Variants in ACSS3 observed in about 807,000 individuals in gnomAD.
The protein encoded by ACSS3 is acyl-CoA synthetase short chain family member 3, also known as acyl-CoA synthetase short-chain family member 3, mitochondrial.
ACSS3 carries 64 observed loss-of-function variants against 84.2 expected under a neutral mutation model. That is an observed-to-expected ratio of 0.76 (90% CI 0.62 to 0.94). ACSS3 has a LOEUF of 0.94. ACSS3 is among the 40% of genes least tolerant of loss of function. ACSS3 has a pLI of 0.00. For synonymous variants in ACSS3, 317 were observed against 310.1 expected (o/e 1.02, Z -0.23); for missense variants, 815 against 867.6 (o/e 0.94, Z 0.76).
intron 7 of ACSS3, among the ~76,000 whole-genome samples, chr12:81,173,044 A>G (rs1176737142): frequency 1.3e-5 from 2 of 152,246 alleles, no homozygotes; most frequent in Non-Finnish European, 2.9e-5. Flanking sequence ...AGTCAGTTGC[A>G]CAAGGTCAAT....
chr12:81,227,954 A>G (rs529275198), intron 11 of ACSS3, among the ~76,000 whole-genome samples: 19 of 151,908 alleles, frequency 1.3e-4, no homozygotes. Flanking sequence ...CATATTTAAT[A>G]GCAATCACCT....
chr12:81,086,022 A>G (rs1486775914), intron 1 of ACSS3, among the ~76,000 whole-genome samples: 1 of 152,184 alleles, frequency 6.6e-6, no homozygotes, highest in Non-Finnish European at 1.5e-5. Context: ...TGGGGATTTT[A>G]TGTATCCAGA....
At chr12:81,105,289 A>G (rs1882889816) in intron 1 of ACSS3, among the ~76,000 whole-genome samples, 1 of 152,250 alleles carries the variant, frequency 6.6e-6, no homozygotes, top group Admixed American at 6.5e-5. Flanking sequence ...CAGCAAATAA[A>G]TGAAATATAT....
chr12:81,225,224 CT>C (rs2033233797), intron 11 of ACSS3, among the ~76,000 whole-genome samples: 3 of 151,236 alleles, frequency 2.0e-5, no homozygotes, highest in Admixed American at 2.0e-4. Flanking sequence ...ATTATGAATC[CT>C]TTTTTCTTCT....
intron 3 of ACSS3, among the ~76,000 whole-genome samples, chr12:81,135,338 A>G (rs1367391730): frequency 7.0e-6 from 1 of 142,592 alleles, no homozygotes; most frequent in Non-Finnish European, 1.5e-5. Context: ...ATATTATAAT[A>G]TATTATATAT....
rs369219860 is a variant in ACSS3 at position 81,095,317 on chromosome 12, T to C, written c.312-14243T>C. Among the ~76,000 whole-genome samples the C allele has an allele frequency of 2.6e-4, 39 of 152,346 alleles. No individual in the cohort carries two copies. The East Asian group carries it at 6.4e-3, about 25-fold the overall frequency. ...GAAGCATGCTTTCCTTTAAAAACTC[T>C]ACTTTTAAGTTTATGTTATTAGCAC... On this transcript the variant is annotated intron_variant, in intron 1 of 15. Coordinates refer to ENST00000548058, the MANE Select transcript of ACSS3 (RefSeq NM_024560.4).
In ACSS3 at chr12:81,121,968, C is replaced by T. The variant is rs190823440; in HGVS notation, c.456+12264C>T. ...TATTATTTTGAGATGGAGTCTTGCT[C>T]TGCTGCCCAGACAGGAGTGCAGTGG... On this transcript the variant is annotated intron_variant, in intron 2 of 15. Transcript: ENST00000548058. 1.6e-3 allele frequency among the ~76,000 whole-genome samples: 230 copies of T among 145,998 alleles called. 1 individual carries two copies. The highest frequency in any genetic ancestry group is 4.7e-3 in the Admixed American group (70 of 14,956).
At chr12:81,208,112 CA>C (rs966334984) in intron 9 of ACSS3, among the ~76,000 whole-genome samples, 3 of 152,216 alleles carry the variant, frequency 2.0e-5, no homozygotes, top group African/African-American at 7.2e-5. Context: ...ATTTATAGTT[CA>C]CTGTAAAGAT....
At chr12:81,213,963 CTTTCTTTCTTTCTTTCTTTCTTTCTT>C (rs1565724384) in intron 9 of ACSS3, among the ~76,000 whole-genome samples, 32,425 of 81,156 alleles carry the variant, frequency 0.4, 7,375 homozygotes, top group Non-Finnish European at 0.54. Context: ...CTCTCTCTTT[CTTTCTTTCTTTCTTTCTTTCTTTCTT>C]TCTTTCTTTC....
intron 2 of ACSS3, among the ~76,000 whole-genome samples, chr12:81,115,500 G>A (rs1050380437): frequency 2.0e-5 from 3 of 151,838 alleles, no homozygotes; most frequent in East Asian, 1.9e-4. Context: ...ATGATATCTC[G>A]CTCTATCCCA....
intron 8 of ACSS3, among the ~76,000 whole-genome samples, chr12:81,197,594 A>T (rs1482012643): frequency 6.6e-6 from 1 of 152,126 alleles, no homozygotes; most frequent in East Asian, 1.9e-4. Context: ...TCTTGAAGAG[A>T]ATCCTTCTAT....
At chr12:81,235,162 C>G (rs1210324929) in intron 13 of ACSS3, among the ~76,000 whole-genome samples, 1 of 151,290 alleles carries the variant, frequency 6.6e-6, no homozygotes, top group Non-Finnish European at 1.5e-5. Context: ...GTTCCAGCAT[C>G]ATTTGTTGAA....
At chr12:81,100,803 G>A (rs1367551805) in intron 1 of ACSS3, among the ~76,000 whole-genome samples, 1 of 152,208 alleles carries the variant, frequency 6.6e-6, no homozygotes, top group Admixed American at 6.5e-5. Flanking sequence ...TTTTGTGGCA[G>A]GGAGGCAGGG....
intron 7 of ACSS3, among the ~76,000 whole-genome samples, chr12:81,160,806 A>G (rs1423434712): frequency 2.6e-5 from 4 of 152,134 alleles, no homozygotes; most frequent in Admixed American, 2.0e-4. Flanking sequence ...GTTTGAGAGG[A>G]AGCATACTAG....
intron 1 of ACSS3, among the ~76,000 whole-genome samples, chr12:81,086,158 G>C (rs980872650): frequency 3.9e-5 from 6 of 152,112 alleles, no homozygotes; most frequent in Admixed American, 3.9e-4. Context: ...TGGTTTGAAG[G>C]TGAGAGTGTT....
At chr12:81,153,854 G>C (rs1421671057) in intron 7 of ACSS3, among the ~76,000 whole-genome samples, 1 of 152,104 alleles carries the variant, frequency 6.6e-6, no homozygotes, top group Non-Finnish European at 1.5e-5. Context: ...TTCATTTTTA[G>C]CTGGCTGATT....
At position 81,148,877 on chromosome 12, in the gene ACSS3, C is replaced by T. The variant is rs965022285; in HGVS notation, c.922-2967C>T. 2.0e-4 allele frequency among the ~76,000 whole-genome samples: 26 copies of T among 127,324 alleles called. 1 individual carries two copies. Among genetic ancestry groups the T allele is most frequent in the African/African-American group, 5.9e-4 (20 of 33,776 alleles). 83.5% of individuals were successfully genotyped at this position (127,324 alleles called of 152,430 possible). A position where few individuals can be genotyped will look rare whatever the true frequency, so the allele number is the denominator to read the frequency against. ...GAGATCGAGACCATCCTGGCTAGCA[C>T]GGTGAAACCCTGCCTCTACTAAAAA... On this transcript the variant is annotated intron_variant, in intron 5 of 15. Coordinates refer to ENST00000548058, the MANE Select transcript of ACSS3 (RefSeq NM_024560.4).
At chr12:81,241,786 T>C (rs1278183307) in intron 13 of ACSS3, among the ~76,000 whole-genome samples, 13 of 152,282 alleles carry the variant, frequency 8.5e-5, no homozygotes, top group Non-Finnish European at 1.3e-4. Context: ...TTTTGTGGGT[T>C]GCCTGTTCAC....
At chr12:81,151,016 A>G (rs1402569200) in intron 5 of ACSS3, among the ~76,000 whole-genome samples, 1 of 152,178 alleles carries the variant, frequency 6.6e-6, no homozygotes, top group Non-Finnish European at 1.5e-5. Context: ...GTTATGTCTT[A>G]TTGGGCCAAT....
Sources: allele counts gnomAD v4.1 joint callset (sites outside exome capture counted in the v4.1 genomes callset), GRCh38; gene constraint gnomAD v4.1.1; transcripts MANE v1.5; gene names NCBI Gene and HGNC (gene_info 2026-07-23, HGNC 2026-07-21).